Variants in ALPL observed in about 807,000 individuals in gnomAD.
ALPL encodes alkaline phosphatase, tissue-nonspecific isozyme.
A neutral mutation model predicts 51.3 loss-of-function variants in ALPL; 42 were observed. The observed-to-expected ratio is 0.82, with a 90% CI of 0.64 to 1.06. The LOEUF is 1.06. Among genes scored for constraint, ALPL ranks in the 50% least tolerant of loss-of-function variants. The probability of loss-of-function intolerance (pLI) is 0.00; values close to 1 mark genes in which losing one functional copy is unlikely to be tolerated. For synonymous variants in ALPL, 279 were observed against 296.4 expected (o/e 0.94, Z 0.60); for missense variants, 589 against 709.4 (o/e 0.83, Z 1.93).
Position 21,577,401 on chromosome 1 carries a change from C to A in ALPL, c.1328C>A (p.Ala443Glu), listed in dbSNP as rs768053120. ...CCCACAGCTCACAACAACTACCAGG[C>A]GCAGTCTGCTGTGCCCCTGCGCCAC... ...MVDYAHNNYQ[A>E]QSAVPLRHET... is the part of the protein sequence containing the mutation. Residue 443 changes from alanine to glutamate, a missense_variant, in exon 12 of 12, where the codon GCG becomes GAG. Transcript: ENST00000374840. The A allele has an allele frequency of 1.2e-6, 2 of 1,613,312 alleles. No individual in the cohort carries two copies.
chr1:21,577,629 C>T lies in ALPL; in HGVS notation c.1556C>T (p.Pro519Leu), dbSNP rs1235803395. Residue 519 changes from proline (P) to leucine (L), a missense_variant, in exon 12 of 12, where the codon CCC becomes CTC. Pro to Leu is a moderately conservative substitution (Grantham distance 98). Coordinates refer to ENST00000374840, the MANE Select transcript of ALPL (RefSeq NM_000478.6). ...CTGCTGCTCGCGCTGGCCCTCTACCCCCTGAGCGTCCTGTTCTGAGGGCCC... is the reference window on the plus strand; with the variant it reads ...CTGCTGCTCGCGCTGGCCCTCTACCTCCTGAGCGTCCTGTTCTGAGGGCCC... ...GPLLLALALY[P>L]LSVLF The T allele has an allele frequency of 1.3e-6, 2 of 1,598,660 alleles. No homozygotes were observed. Among genetic ancestry groups the T allele is most frequent in the Admixed American group, 1.7e-5 (1 of 59,900 alleles).
chr1:21,556,952 A>T (rs1644421787), intron 2 of ALPL, among the ~76,000 whole-genome samples: 2 of 152,076 alleles, frequency 1.3e-5, no homozygotes, highest in South Asian at 4.1e-4. Context: ...AAAGAAAAGA[A>T]ACCAGCTTCA....
chr1:21,520,393 A>G (rs886368188), intron 1 of ALPL, among the ~76,000 whole-genome samples: 2 of 151,468 alleles, frequency 1.3e-5, no homozygotes, highest in Admixed American at 1.3e-4. Context: ...GCTTCCCAAA[A>G]TGTTGGGATT....
intron 1 of ALPL, among the ~76,000 whole-genome samples, chr1:21,537,528 G>A (rs1402291388): frequency 6.6e-6 from 1 of 152,202 alleles, no homozygotes; most frequent in African/African-American, 2.4e-5. Context: ...GCAGCAGCCA[G>A]GCATGGCTTC....
intron 5 of ALPL, 142 bp from the exon 6 acceptor site, chr1:21,563,899 G>A (rs1214444810): frequency 6.5e-6 from 7 of 1,081,792 alleles, no homozygotes; most frequent in Admixed American, 4.1e-5. Context: ...ACCTGCTGCT[G>A]TGGATGGGGA....
chr1:21,555,385 A>T (rs1160702307), intron 2 of ALPL, among the ~76,000 whole-genome samples: 2 of 152,210 alleles, frequency 1.3e-5, no homozygotes, highest in Admixed American at 6.5e-5. Context: ...CACAGGGGAT[A>T]TGATGGCTTA....
intron 2 of ALPL, among the ~76,000 whole-genome samples, chr1:21,555,289 A>C (rs1212136817): frequency 6.6e-6 from 1 of 152,204 alleles, no homozygotes; most frequent in African/African-American, 2.4e-5. Flanking sequence ...GAATGTCATC[A>C]GTTAAGGTAG....
chr1:21,519,908 C>G (rs1026909395), intron 1 of ALPL, among the ~76,000 whole-genome samples: 1 of 152,132 alleles, frequency 6.6e-6, no homozygotes, highest in Admixed American at 6.6e-5. Context: ...CACCTGTTCC[C>G]TAGGCCTTCT....
chr1:21,564,228 G>A lies in ALPL; in HGVS notation c.648+12G>A. ...TCAGGGACATTGACGTGAGTGCTCG[G>A]GGGCAGCCGGGCAGGGACGGGGTGA... On this transcript the variant is annotated intron_variant, in intron 6 of 11. Coordinates refer to ENST00000374840, the MANE Select transcript of ALPL (RefSeq NM_000478.6). This position sits in a 1 kb window ranked among gnomAD's most constrained non-coding sequence, Gnocchi z 5.8. The A allele has an allele frequency of 1.2e-6, 2 of 1,613,006 alleles. No homozygotes were observed. Among genetic ancestry groups the A allele is most frequent in the Non-Finnish European group, 1.7e-6 (2 of 1,179,836 alleles).
At chr1:21,521,202 T>C (rs1197634620) in intron 1 of ALPL, among the ~76,000 whole-genome samples, 2 of 152,264 alleles carry the variant, frequency 1.3e-5, no homozygotes, top group Non-Finnish European at 1.5e-5. Flanking sequence ...TTTTTTTTTT[T>C]TGAGACGGAG....
At chr1:21,541,373 G>A (rs1558536993) in intron 1 of ALPL, among the ~76,000 whole-genome samples, 1 of 152,224 alleles carries the variant, frequency 6.6e-6, no homozygotes, top group Non-Finnish European at 1.5e-5. Flanking sequence ...GCTCTGAGCT[G>A]CCCAGCTGGT....
chr1:21,550,769 A>G (rs1278934641), intron 1 of ALPL, among the ~76,000 whole-genome samples: 1 of 152,108 alleles, frequency 6.6e-6, no homozygotes, highest in Admixed American at 6.5e-5. Context: ...ACTTTCTGTC[A>G]TCGGAATCAC....
intron 1 of ALPL, among the ~76,000 whole-genome samples, chr1:21,525,877 A>G (rs1643934908): frequency 6.6e-6 from 1 of 151,916 alleles, no homozygotes; most frequent in South Asian, 2.1e-4. Flanking sequence ...AATCCCAGCT[A>G]CTCCGGAGGC....
intron 7 of ALPL, among the ~76,000 whole-genome samples, 184 bp downstream of exon 7, chr1:21,568,431 T>G (rs1398736619): frequency 2.0e-5 from 3 of 152,052 alleles, no homozygotes; most frequent in African/African-American, 7.2e-5. Flanking sequence ...TTTCCTTCCC[T>G]TGGAGGGGAT....
At chr1:21,517,287 CA>C (rs1448498845) in intron 1 of ALPL, among the ~76,000 whole-genome samples, 1 of 152,138 alleles carries the variant, frequency 6.6e-6, no homozygotes. Flanking sequence ...GTATTGAGCT[CA>C]TAATTCTTTC....
chr1:21,543,923 G>A (rs1644222173), intron 1 of ALPL, among the ~76,000 whole-genome samples: 1 of 152,228 alleles, frequency 6.6e-6, no homozygotes, highest in Admixed American at 6.5e-5. Context: ...CCTTGGAGCA[G>A]GCCTGGGAGC....
intron 1 of ALPL, among the ~76,000 whole-genome samples, chr1:21,542,882 C>T (rs12086386): frequency 0.093 from 14,075 of 152,044 alleles, 938 homozygotes; most frequent in African/African-American, 0.19. Flanking sequence ...CTGGGCACAG[C>T]GGCTTATACC....
chr1:21,570,691 G>A (rs1460330733), intron 8 of ALPL, among the ~76,000 whole-genome samples: 1 of 152,196 alleles, frequency 6.6e-6, no homozygotes, highest in Non-Finnish European at 1.5e-5. Context: ...CTGGGAACTG[G>A]GACTTAACAG....
chr1:21,559,138 C>A (rs150797532), intron 2 of ALPL, among the ~76,000 whole-genome samples: 1 of 152,178 alleles, frequency 6.6e-6, no homozygotes, highest in Non-Finnish European at 1.5e-5. Context: ...ACATGCTACA[C>A]GGCCTTGGAC....
Sources: gnomAD v4.1 joint callset for allele counts (sites outside exome capture counted in the v4.1 genomes callset) on GRCh38, gnomAD v4.1.1 for gene constraint, Gnocchi (gnomAD v3.1) non-coding constraint, MANE v1.5 for transcripts, NCBI Gene and HGNC (gene_info 2026-07-23, HGNC 2026-07-21) for gene names.